URAD: variants seen among roughly 807,000 people sequenced by gnomAD.
URAD encodes the protein putative 2-oxo-4-hydroxy-4-carboxy-5-ureidoimidazoline decarboxylase.
Under a neutral mutation model 4.6 loss-of-function variants are expected in URAD, and 4 were observed. The observed-to-expected ratio is 0.87, with a 90% CI of 0.43 to 1.98. URAD has a LOEUF of 1.98. URAD is among the 30% of genes most tolerant of loss of function. The pLI is 0.03. For missense variants in URAD, 300 were observed against 255.3 expected (o/e 1.18, Z -1.19); for synonymous variants, 144 against 118.2 (o/e 1.22, Z -1.41).
intron 1 of URAD, 100 bp downstream of exon 1, chr13:27,988,363 A>G (rs910941301): frequency 1.7e-5 from 21 of 1,237,156 alleles, no homozygotes; most frequent in Non-Finnish European, 2.3e-5. Flanking sequence ...AAGTGCTGGG[A>G]TTACAGGTGT....
At chr13:27,988,398 TA>T in intron 1 of URAD, 64 bp downstream of exon 1, 1 of 1,494,118 alleles carries the variant, frequency 6.7e-7, no homozygotes, top group Non-Finnish European at 9.0e-7. Context: ...GGCCAGTATC[TA>T]AAAATATTTT....
In URAD at chr13:27,978,326, C is replaced by T; in HGVS notation, c.302G>A (p.Arg101Gln). 3.6e-6 allele frequency: 5 copies of T among 1,393,412 alleles called. No individual in the cohort carries two copies. Among genetic ancestry groups the T allele is most frequent in the East Asian group, 3.1e-5 (1 of 32,492 alleles). The allele number at this position is 1,393,412 out of a possible 1,614,324, so 86.3% of individuals were successfully genotyped here. ...CGCGTTGAGCTCGGCCAGCCGCAGC[C>T]GCTCGTCCGCGCCCAGGCTCCTCAG... is the stretch of plus-strand genomic sequence containing the variant. ...AGLRSLGADERLRLAELNAQY... is the reference protein window; with the variant it reads ...AGLRSLGADEQLRLAELNAQY... The change falls in exon 2 of 2, where the codon CGG (arginine) becomes CAG (glutamine). Residue 101 changes from arginine (R) to glutamine (Q), a missense_variant. Arg to Gln is a conservative substitution (Grantham distance 43). Coordinates refer to ENST00000332715, the MANE Select transcript of URAD (RefSeq NM_001105577.2).
At position 27,988,661 on chromosome 13, in the gene URAD, C is replaced by T. The variant is rs369657865; in HGVS notation, c.-24G>A. 17 of 1,555,148 alleles carry T rather than the reference C, an allele frequency of 1.1e-5. No individual in the cohort carries two copies. The highest frequency in any genetic ancestry group is 9.6e-5 in the African/African-American group (7 of 73,106). ...ATTCCTTGTATTCCACTGGAGACAG[C>T]GGGACGTCCAGCTCCCCTCTCGGTG... On this transcript the variant is annotated 5_prime_UTR_variant, in exon 1 of 2. Transcript: ENST00000332715.
rs375161217 is a variant in URAD, at chr13:27,988,651, C to A, written c.-14G>T. 3.9e-5 allele frequency: 62 copies of A among 1,576,944 alleles called. No individual in the cohort carries two copies. Among genetic ancestry groups the A allele is most frequent in the Non-Finnish European group, 4.8e-5 (56 of 1,159,732 alleles). On this transcript the variant is annotated 5_prime_UTR_variant, in exon 1 of 2. Transcript: ENST00000332715. Reference sequence around the variant, plus strand: ...CTCAATGTCCATTCCTTGTATTCCACTGGAGACAGCGGGACGTCCAGCTCC... The same window carrying A: ...CTCAATGTCCATTCCTTGTATTCCAATGGAGACAGCGGGACGTCCAGCTCC...
chr13:27,978,047 C>T lies in URAD; in HGVS notation c.*59G>A, dbSNP rs769439336. The T allele has an allele frequency of 7.3e-7, 1 of 1,364,676 alleles. No homozygotes were observed. Among genetic ancestry groups the T allele is most frequent in the Non-Finnish European group, 9.5e-7 (1 of 1,057,268 alleles). 84.5% of individuals were successfully genotyped at this position (1,364,676 alleles called of 1,614,324 possible). A position where few individuals can be genotyped will look rare whatever the true frequency, so the allele number is the denominator to read the frequency against. ...CGCCTCCCGCCCAGGACGCACAGCT[C>T]CGGGCCGTGGCCCCCGCGCGTCCGG... On this transcript the variant is annotated 3_prime_UTR_variant, in exon 2 of 2. Coordinates refer to ENST00000332715, the MANE Select transcript of URAD (RefSeq NM_001105577.2).
At chr13:27,988,261 A>G (rs1870094395) in intron 1 of URAD, among the ~76,000 whole-genome samples, 1 of 152,012 alleles carries the variant, frequency 6.6e-6, no homozygotes, top group South Asian at 2.1e-4. Flanking sequence ...CGCCCGGCCT[A>G]AAAGCAATTT....
chr13:27,978,234 G>A lies in URAD; in HGVS notation c.394C>T (p.Pro132Ser). ...AARFSDRTAV[P>S]RELARRLLCP... Reference sequence around the variant, plus strand: ...AGCAGCCGGCGCGCCAGCTCGCGCGGCACCGCCGTCCGGTCGCTGAAGCGC... The same window carrying A: ...AGCAGCCGGCGCGCCAGCTCGCGCGACACCGCCGTCCGGTCGCTGAAGCGC... The change falls in exon 2 of 2, where the codon CCG becomes TCG. Residue 132 changes from proline to serine, a missense_variant. Coordinates refer to ENST00000332715, the MANE Select transcript of URAD (RefSeq NM_001105577.2). 2 of 1,464,236 alleles carry A rather than the reference G, an allele frequency of 1.4e-6. No individual in the cohort carries two copies. Among genetic ancestry groups the A allele is most frequent in the Non-Finnish European group, 1.8e-6 (2 of 1,117,502 alleles). 90.7% of individuals were successfully genotyped at this position (1,464,236 alleles called of 1,614,324 possible).
chr13:27,978,881 CA>C (rs1159365720), intron 1 of URAD, among the ~76,000 whole-genome samples: 2 of 152,014 alleles, frequency 1.3e-5, no homozygotes, highest in East Asian at 1.9e-4. Flanking sequence ...CCTTTGCTCT[CA>C]GGGGGGGCTT....
chr13:27,982,354 G>A (rs1327980526), intron 1 of URAD, among the ~76,000 whole-genome samples: 1 of 152,146 alleles, frequency 6.6e-6, no homozygotes, highest in African/African-American at 2.4e-5. Flanking sequence ...CCGGGAGGCG[G>A]AGGTTACAGT....
In URAD at chr13:27,977,993, G is replaced by A. The variant is rs1055460792; in HGVS notation, c.*113C>T. Reference sequence around the variant, plus strand: ...TCAATTCTCCACTTCCTTTGTGCACGTGTGTGGACGCTGTTCCAGGCCCGA... The same window carrying A: ...TCAATTCTCCACTTCCTTTGTGCACATGTGTGGACGCTGTTCCAGGCCCGA... On this transcript the variant is annotated 3_prime_UTR_variant, in exon 2 of 2. Transcript: ENST00000332715. The A allele has an allele frequency of 2.4e-5, 20 of 838,558 alleles. No individual in the cohort carries two copies. The highest frequency in any genetic ancestry group is 3.7e-4 in the Middle Eastern group (1 of 2,726). The allele number at this position is 838,558 out of a possible 1,614,324, so 51.9% of individuals were successfully genotyped here.
In URAD at chr13:27,978,319, C is replaced by G. The variant is rs1306935704; in HGVS notation, c.309G>C (p.Arg103=). ...GGTACTGCGCGTTGAGCTCGGCCAGCCGCAGCCGCTCGTCCGCGCCCAGGC... is the reference window on the plus strand; with the variant it reads ...GGTACTGCGCGTTGAGCTCGGCCAGGCGCAGCCGCTCGTCCGCGCCCAGGC... ...LRSLGADERL[R]LAELNAQYRA... is the part of the protein sequence containing the mutation. The change falls in exon 2 of 2, where the codon CGG becomes CGC. Residue 103 remains arginine, a synonymous_variant. Transcript: ENST00000332715. The G allele has an allele frequency of 5.0e-6, 7 of 1,395,144 alleles. No individual in the cohort carries two copies. The allele number at this position is 1,395,144 out of a possible 1,614,324, so 86.4% of individuals were successfully genotyped here. A position where few individuals can be genotyped will look rare whatever the true frequency, so the allele number is the denominator to read the frequency against.
chr13:27,978,228 C>T lies in URAD; in HGVS notation c.400G>A (p.Glu134Lys). Residue 134 changes from glutamate to lysine, a missense_variant, in exon 2 of 2, where the codon GAG becomes AAG. Physicochemically the swap from Glu to Lys is moderately conservative, Grantham distance 56. Transcript: ENST00000332715. ...RFSDRTAVPR[E>K]LARRLLCPSA... Reference sequence around the variant, plus strand: ...GGGCAGAGCAGCCGGCGCGCCAGCTCGCGCGGCACCGCCGTCCGGTCGCTG... The same window carrying T: ...GGGCAGAGCAGCCGGCGCGCCAGCTTGCGCGGCACCGCCGTCCGGTCGCTG... 1 of 1,466,280 alleles carries T rather than the reference C, an allele frequency of 6.8e-7. No homozygotes were observed. Among genetic ancestry groups the T allele is most frequent in the Non-Finnish European group, 8.9e-7 (1 of 1,118,718 alleles). 90.8% of individuals were successfully genotyped at this position (1,466,280 alleles called of 1,614,324 possible). A position where few individuals can be genotyped will look rare whatever the true frequency, so the allele number is the denominator to read the frequency against.
intron 1 of URAD, among the ~76,000 whole-genome samples, chr13:27,988,084 G>A (rs1593193517): frequency 1.3e-5 from 2 of 152,004 alleles, no homozygotes; most frequent in East Asian, 1.9e-4. Context: ...TCAGCCTCCC[G>A]AATAGCTGGA....
intron 1 of URAD, among the ~76,000 whole-genome samples, chr13:27,982,580 G>A (rs202134907): frequency 2.0e-5 from 3 of 152,148 alleles, no homozygotes; most frequent in African/African-American, 7.2e-5. Flanking sequence ...TCAGCCAGTC[G>A]TAGGGTTTGA....
chr13:27,987,566 G>C (rs77688668), intron 1 of URAD, among the ~76,000 whole-genome samples: 1 of 152,070 alleles, frequency 6.6e-6, no homozygotes, highest in African/African-American at 2.4e-5. Flanking sequence ...GGGCTCTGGA[G>C]ATAGTCTGGT....
intron 1 of URAD, among the ~76,000 whole-genome samples, chr13:27,986,749 G>A (rs1430502800): frequency 6.6e-6 from 1 of 152,134 alleles, no homozygotes; most frequent in Non-Finnish European, 1.5e-5. Flanking sequence ...CAGTGAGGCT[G>A]TCATTTTGCC....
At chr13:27,986,641 T>TC (rs1247038374) in intron 1 of URAD, among the ~76,000 whole-genome samples, 2 of 152,202 alleles carry the variant, frequency 1.3e-5, no homozygotes, top group Non-Finnish European at 2.9e-5. Context: ...TAGCTTTCTC[T>TC]CTCAACACGC....
intron 1 of URAD, among the ~76,000 whole-genome samples, chr13:27,987,892 T>TGATAGATGATA (rs1555247014): frequency 2.0e-5 from 3 of 150,080 alleles, no homozygotes; most frequent in East Asian, 4.0e-4. Flanking sequence ...AATAGATAGA[T>TGATAGATGATA]GATAGATAGA....
chr13:27,985,567 AT>A (rs1870004380), intron 1 of URAD, among the ~76,000 whole-genome samples: 1 of 152,236 alleles, frequency 6.6e-6, no homozygotes, highest in East Asian at 1.9e-4. Context: ...TTATTTGATT[AT>A]TTAAACAATA....
Sources: allele counts gnomAD v4.1 joint callset (sites outside exome capture counted in the v4.1 genomes callset), GRCh38; gene constraint gnomAD v4.1.1; transcripts MANE v1.5; gene names NCBI Gene and HGNC (gene_info 2026-07-23, HGNC 2026-07-21).